SLC12A8: variants seen among roughly 807,000 people sequenced by gnomAD.
SLC12A8 encodes solute carrier family 12 member 8.
SLC12A8 carries 69 observed loss-of-function variants against 75.6 expected under a neutral mutation model. The ratio of observed to expected loss-of-function variants is 0.91; its 90% CI spans 0.75 to 1.11. The LOEUF (loss-of-function observed/expected upper bound fraction) is 1.11, where lower values mean the gene tolerates loss of function less well. Ranked by LOEUF, SLC12A8 falls within the 50% of genes most tolerant of loss-of-function variation. SLC12A8 has a pLI of 0.00. For missense variants in SLC12A8, 877 were observed against 896.7 expected, an observed-to-expected ratio of 0.98 and a Z score of 0.28; for synonymous variants, 365 against 372.8, an observed-to-expected ratio of 0.98 and a Z score of 0.24.
rs1406611203 is a variant in SLC12A8 at position 125,106,351 on chromosome 3, G to GTTTTTT, written c.1705+1129_1705+1130insAAAAAA. On this transcript the variant is annotated intron_variant, in intron 10 of 13. Transcript: ENST00000469902. ...AGAACTTAAAACACTAGGTTTTTGG[G>GTTTTTT]GTTTTTTGTTGTTGTTGTTGTTTTG... is the stretch of plus-strand genomic sequence containing the variant. 3.7e-5 allele frequency among the ~76,000 whole-genome samples: 5 copies of GTTTTTT among 135,324 alleles called. No homozygotes were observed. In the Admixed American group the frequency reaches 3.7e-4, roughly 10 times the overall value. The allele number at this position is 135,324 out of a possible 152,430, so 88.8% of individuals were successfully genotyped here. A position where few individuals can be genotyped will look rare whatever the true frequency, so the allele number is the denominator to read the frequency against.
intron 2 of SLC12A8, among the ~76,000 whole-genome samples, chr3:125,191,867 C>T (rs906618366): frequency 6.6e-6 from 1 of 152,214 alleles, no homozygotes; most frequent in Non-Finnish European, 1.5e-5. Context: ...CAGTCTCCAA[C>T]TCCGTAAGCT....
intron 5 of SLC12A8, among the ~76,000 whole-genome samples, chr3:125,152,994 C>T (rs1375409129): frequency 6.6e-6 from 1 of 152,130 alleles, no homozygotes; most frequent in East Asian, 1.9e-4. Context: ...GGTGTGTGTG[C>T]AGCCAGGCGC....
intron 2 of SLC12A8, chr3:125,192,795 T>G (rs1469855488): frequency 6.5e-6 from 1 of 154,428 alleles, no homozygotes; most frequent in African/African-American, 2.4e-5. Context: ...TCTCACCACA[T>G]GACAAAAAAC....
chr3:125,102,389 C>T (rs1010497878), intron 10 of SLC12A8, among the ~76,000 whole-genome samples: 8 of 152,152 alleles, frequency 5.3e-5, no homozygotes, highest in African/African-American at 1.9e-4. Context: ...TAGGTTAGGG[C>T]TGCATTGCGA....
chr3:125,184,113 C>T (rs1047854339), intron 4 of SLC12A8, among the ~76,000 whole-genome samples: 4 of 151,994 alleles, frequency 2.6e-5, no homozygotes, highest in African/African-American at 9.7e-5. Flanking sequence ...GCTGGGATTA[C>T]AGACGTGCGC....
At chr3:125,157,269 C>A (rs553380419) in intron 5 of SLC12A8, among the ~76,000 whole-genome samples, 1 of 152,154 alleles carries the variant, frequency 6.6e-6, no homozygotes, top group East Asian at 1.9e-4. Context: ...TACAAATATG[C>A]AAGGCAAGAA....
intron 3 of SLC12A8, among the ~76,000 whole-genome samples, chr3:125,189,346 A>C (rs1350477277): frequency 6.6e-6 from 1 of 152,180 alleles, no homozygotes; most frequent in African/African-American, 2.4e-5. Flanking sequence ...GTTTCTCTGG[A>C]GAATCCTGAC....
intron 2 of SLC12A8, among the ~76,000 whole-genome samples, chr3:125,193,395 T>C (rs554295583): frequency 3.1e-4 from 47 of 152,246 alleles, no homozygotes; most frequent in African/African-American, 1.1e-3. Context: ...GCAGCTTGTG[T>C]GTCCCCGCTC....
rs188009562 is a variant in SLC12A8 at position 125,092,088 on chromosome 3, T to C, written c.1803+13A>G. ...GTCCCAAGAACAACTGAGATCAAGA[T>C]GAAGTTACTCACCCCCAACAGGGAG... On this transcript the variant is annotated intron_variant, in intron 11 of 13. Coordinates refer to ENST00000469902, the MANE Select transcript of SLC12A8 (RefSeq NM_024628.6). 80 of 1,583,268 alleles carry C rather than the reference T, an allele frequency of 5.1e-5. No individual in the cohort carries two copies. In the East Asian group the frequency reaches 1.3e-3, roughly 26 times the overall value.
chr3:125,160,163 C>T lies in SLC12A8; in HGVS notation c.622+17580G>A, dbSNP rs529625983. ...CTCACTGTATTGCCTAGGCTGGTCTCGAACTCCTGGGCTCAAGTGATCCTC... is the reference window on the plus strand; with the variant it reads ...CTCACTGTATTGCCTAGGCTGGTCTTGAACTCCTGGGCTCAAGTGATCCTC... On this transcript the variant is annotated intron_variant, in intron 5 of 13. Coordinates refer to ENST00000469902, the MANE Select transcript of SLC12A8 (RefSeq NM_024628.6). Among the ~76,000 whole-genome samples, 12 of 152,098 alleles carry T rather than the reference C, an allele frequency of 7.9e-5. 1 individual carries two copies. The highest frequency in any genetic ancestry group is 2.7e-4 in the African/African-American group (11 of 41,502).
intron 5 of SLC12A8, among the ~76,000 whole-genome samples, chr3:125,137,906 C>T (rs1366191699): frequency 2.6e-5 from 4 of 152,014 alleles, no homozygotes; most frequent in Non-Finnish European, 5.9e-5. Context: ...TGCACACTCA[C>T]GCTGACACAC....
At chr3:125,210,876 GA>G (rs890434953) in intron 2 of SLC12A8, among the ~76,000 whole-genome samples, 9 of 151,326 alleles carry the variant, frequency 5.9e-5, no homozygotes, top group East Asian at 1.9e-4. Context: ...GAAAAAAGAA[GA>G]AAAAAAAATA....
At position 125,198,686 on chromosome 3, in the gene SLC12A8, T is replaced by C. The variant is rs137998577; in HGVS notation, c.52-8165A>G. Among the ~76,000 whole-genome samples the C allele has an allele frequency of 4.6e-5, 7 of 152,152 alleles. No homozygotes were observed. In the East Asian group the frequency reaches 1.4e-3, roughly 29 times the overall value. Reference sequence around the variant, plus strand: ...ACTAAGGGTCATGTATGATCCTGGATTGGATCCTGGAAGGAGGTCTTGGGG... The same window carrying C: ...ACTAAGGGTCATGTATGATCCTGGACTGGATCCTGGAAGGAGGTCTTGGGG... On this transcript the variant is annotated intron_variant, in intron 2 of 13. Transcript: ENST00000469902.
At chr3:125,112,986 A>C (rs535440334) in intron 8 of SLC12A8, among the ~76,000 whole-genome samples, 1 of 152,238 alleles carries the variant, frequency 6.6e-6, no homozygotes, top group Non-Finnish European at 1.5e-5. Flanking sequence ...CAGGCATGGC[A>C]TCTCCTTGCA....
intron 5 of SLC12A8, among the ~76,000 whole-genome samples, chr3:125,145,442 C>T (rs980944784): frequency 6.6e-6 from 1 of 152,128 alleles, no homozygotes; most frequent in African/African-American, 2.4e-5. Context: ...TGTGGTATAT[C>T]GATACAATGG....
At chr3:125,141,034 C>G (rs1933617910) in intron 5 of SLC12A8, among the ~76,000 whole-genome samples, 1 of 152,164 alleles carries the variant, frequency 6.6e-6, no homozygotes, top group South Asian at 2.1e-4. Context: ...GCCTGGGATG[C>G]ATGGGGCCTG....
In SLC12A8 at chr3:125,159,340, C is replaced by T. The variant is rs181909035; in HGVS notation, c.622+18403G>A. On this transcript the variant is annotated intron_variant, in intron 5 of 13. Transcript: ENST00000469902. ...CAAACCCCTGGACTCAAGCAATCCT[C>T]CCCCCTTGGTCTCCCAAAGTGCTGG... Among the ~76,000 whole-genome samples, 81 of 152,274 alleles carry T rather than the reference C, an allele frequency of 5.3e-4. 1 individual carries two copies. Among genetic ancestry groups the T allele is most frequent in the African/African-American group, 1.9e-3 (78 of 41,556 alleles).
intron 13 of SLC12A8, 98 bp downstream of exon 13, chr3:125,088,212 A>T: frequency 9.5e-6 from 12 of 1,264,444 alleles, no homozygotes; most frequent in Non-Finnish European, 1.3e-5. Flanking sequence ...CCATGCCACA[A>T]TCCAGGCCCA....
intron 5 of SLC12A8, among the ~76,000 whole-genome samples, chr3:125,172,996 T>C (rs1282547323): frequency 6.6e-6 from 1 of 152,116 alleles, no homozygotes; most frequent in Non-Finnish European, 1.5e-5. Context: ...CTTGCCAACA[T>C]AGTGAAACAC....
Sources: gnomAD v4.1 joint callset for allele counts (sites outside exome capture counted in the v4.1 genomes callset) on GRCh38, gnomAD v4.1.1 for gene constraint, MANE v1.5 for transcripts, NCBI Gene and HGNC (gene_info 2026-07-23, HGNC 2026-07-21) for gene names.